Variants in FAM171A1 observed in about 807,000 individuals in gnomAD.
FAM171A1 encodes family with sequence similarity 171 member A1, also known as protein FAM171A1.
In FAM171A1, 23 loss-of-function variants were observed where a neutral mutation model predicts 74.9. That is an observed-to-expected ratio of 0.31 (90% CI 0.22 to 0.44). The LOEUF is 0.44. FAM171A1 is among the 20% of genes least tolerant of loss of function. FAM171A1 has a pLI of 1.00. For missense variants in FAM171A1, 1,162 were observed against 1,159.2 expected (o/e 1.00, Z -0.03); for synonymous variants, 527 against 505.7 (o/e 1.04, Z -0.57).
At chr10:15,227,764 C>G (rs2131724635) in intron 5 of FAM171A1, among the ~76,000 whole-genome samples, 1 of 152,332 alleles carries the variant, frequency 6.6e-6, no homozygotes, top group South Asian at 2.1e-4. Flanking sequence ...GTTGAACTAT[C>G]TTACTAATTT....
intron 3 of FAM171A1, among the ~76,000 whole-genome samples, chr10:15,261,483 T>C (rs1484446225): frequency 6.6e-6 from 1 of 152,198 alleles, no homozygotes; most frequent in Non-Finnish European, 1.5e-5. Flanking sequence ...AAAACATCAA[T>C]AACATTCATT....
rs1215090577 is a variant in FAM171A1 at position 15,371,035 on chromosome 10, C to T, written c.18G>A (p.Thr6=). MSRSA[T]LLLCLLGCHV... is the part of the protein sequence containing the mutation. ...GGCAGCCCAGCAGGCACAGCAGCAG[C>T]GTCGCGGACCTGCTCATCTCCGCCG... is the stretch of plus-strand genomic sequence containing the variant. The change falls in exon 1 of 8, where the codon ACG becomes ACA. Residue 6 remains threonine (T), a synonymous_variant. Coordinates refer to ENST00000378116, the MANE Select transcript of FAM171A1 (RefSeq NM_001010924.2). 2.6e-6 allele frequency: 3 copies of T among 1,153,556 alleles called. No homozygotes were observed. The highest frequency in any genetic ancestry group is 3.3e-6 in the Non-Finnish European group (3 of 916,664). 71.5% of individuals were successfully genotyped at this position (1,153,556 alleles called of 1,614,324 possible).
chr10:15,247,190 T>A (rs1834445561), intron 5 of FAM171A1, among the ~76,000 whole-genome samples: 1 of 152,240 alleles, frequency 6.6e-6, no homozygotes, highest in Non-Finnish European at 1.5e-5. Context: ...TACTATGGAC[T>A]TATTAAAATT....
intron 5 of FAM171A1, among the ~76,000 whole-genome samples, chr10:15,234,544 C>T (rs1834254856): frequency 1.3e-5 from 2 of 152,090 alleles, no homozygotes; most frequent in South Asian, 4.1e-4. Flanking sequence ...ATAGCAGTTT[C>T]GTATTGGCTC....
intron 3 of FAM171A1, among the ~76,000 whole-genome samples, chr10:15,267,816 G>C (rs568706071): frequency 6.6e-6 from 1 of 152,136 alleles, no homozygotes; most frequent in Admixed American, 6.5e-5. Context: ...GAGGAGGCTG[G>C]ACAGCCACGA....
At chr10:15,252,878 G>A (rs1834527810) in intron 4 of FAM171A1, among the ~76,000 whole-genome samples, 1 of 152,188 alleles carries the variant, frequency 6.6e-6, no homozygotes, top group Admixed American at 6.5e-5. Context: ...AGAGCTACTG[G>A]AAGTGGGGCA....
intron 1 of FAM171A1, among the ~76,000 whole-genome samples, chr10:15,298,805 C>CTT (rs1835192173): frequency 6.6e-6 from 1 of 152,176 alleles, no homozygotes; most frequent in Non-Finnish European, 1.5e-5. Flanking sequence ...TACCCTGCTC[C>CTT]ACTGAACAAG....
rs372923376 is a variant in FAM171A1 at position 15,340,799 on chromosome 10, T to C, written c.97+30157A>G. Among the ~76,000 whole-genome samples the C allele has an allele frequency of 4.6e-5, 7 of 152,024 alleles. No individual in the cohort carries two copies. In the East Asian group the frequency reaches 9.6e-4, roughly 21 times the overall value. Reference sequence around the variant, plus strand: ...CAGCAAAGGGCACCTCCCAATAACATGAGAGAGGTGACATGCAGAAGCTAT... The same window carrying C: ...CAGCAAAGGGCACCTCCCAATAACACGAGAGAGGTGACATGCAGAAGCTAT... On this transcript the variant is annotated intron_variant, in intron 1 of 7. Coordinates refer to ENST00000378116, the MANE Select transcript of FAM171A1 (RefSeq NM_001010924.2).
intron 1 of FAM171A1, among the ~76,000 whole-genome samples, chr10:15,337,951 A>G (rs987318853): frequency 6.6e-6 from 1 of 151,414 alleles, no homozygotes; most frequent in Non-Finnish European, 1.5e-5. Flanking sequence ...ACTCCATCTT[A>G]AAAAAAACAA....
chr10:15,308,367 G>A (rs1033054349), intron 1 of FAM171A1, among the ~76,000 whole-genome samples: 2 of 152,204 alleles, frequency 1.3e-5, no homozygotes, highest in Middle Eastern at 3.2e-3. Context: ...AGGAAATCTT[G>A]TAAATAGACA....
chr10:15,226,052 C>G (rs906757276), intron 5 of FAM171A1, among the ~76,000 whole-genome samples: 2 of 152,210 alleles, frequency 1.3e-5, no homozygotes, highest in African/African-American at 4.8e-5. Context: ...CTCTTAGTGT[C>G]CTCTGCACAA....
At position 15,214,051 on chromosome 10, in the gene FAM171A1, G is replaced by A. The variant is rs1438959718; in HGVS notation, c.1537C>T (p.Leu513Phe). 39 of 1,614,076 alleles carry A rather than the reference G, an allele frequency of 2.4e-5. No homozygotes were observed. Among genetic ancestry groups the A allele is most frequent in the Non-Finnish European group, 3.1e-5 (37 of 1,180,042 alleles). ...REGPASTGSK[L>F]TIQEHLYPAP... The stretch of plus-strand genomic sequence containing the variant: ...GGGTACAGATGTTCCTGAATGGTGA[G>A]TTTGCTTCCCGTGGAGGCTGGACCT... The change falls in exon 8 of 8, where the codon CTC (leucine) becomes TTC (phenylalanine). Residue 513 changes from leucine (L) to phenylalanine (F), a missense_variant. Transcript: ENST00000378116.
At chr10:15,351,566 A>ATGATGGATGGAT (rs1835876822) in intron 1 of FAM171A1, among the ~76,000 whole-genome samples, 2 of 24,060 alleles carry the variant, frequency 8.3e-5, no homozygotes, top group Admixed American at 4.4e-4. Flanking sequence ...GAAAGTAGGG[A>ATGATGGATGGAT]CGATGGATGG....
chr10:15,286,649 T>C (rs1835038547), intron 1 of FAM171A1, among the ~76,000 whole-genome samples: 1 of 152,182 alleles, frequency 6.6e-6, no homozygotes, highest in Non-Finnish European at 1.5e-5. Context: ...GAAGAACTTC[T>C]TTTGGTTTGA....
intron 1 of FAM171A1, among the ~76,000 whole-genome samples, chr10:15,306,193 T>C (rs1463875856): frequency 6.6e-6 from 1 of 152,230 alleles, no homozygotes; most frequent in Non-Finnish European, 1.5e-5. Context: ...ATTGAGAAGA[T>C]TTTAAGTTAC....
chr10:15,324,610 C>T (rs559907414), intron 1 of FAM171A1, among the ~76,000 whole-genome samples: 1 of 152,272 alleles, frequency 6.6e-6, no homozygotes, highest in Admixed American at 6.5e-5. Context: ...TGTTGGTTTT[C>T]AGTGGTGGCT....
chr10:15,254,318 C>T (rs908546827), intron 4 of FAM171A1, among the ~76,000 whole-genome samples: 2 of 152,104 alleles, frequency 1.3e-5, no homozygotes, highest in African/African-American at 4.8e-5. Flanking sequence ...GCCCCACCCA[C>T]CCACAGGCTA....
chr10:15,368,738 T>C (rs1836096489), intron 1 of FAM171A1, among the ~76,000 whole-genome samples: 2 of 152,212 alleles, frequency 1.3e-5, no homozygotes, highest in Admixed American at 1.3e-4. Context: ...GCAGCATTTG[T>C]CTTCATCGTG....
At chr10:15,251,193 A>C (rs1250537967) in intron 4 of FAM171A1, among the ~76,000 whole-genome samples, 4 of 152,210 alleles carry the variant, frequency 2.6e-5, no homozygotes, top group Admixed American at 1.3e-4. Context: ...AGCATTGCAG[A>C]AACGAGCATA....
Sources: allele counts gnomAD v4.1 joint callset (sites outside exome capture counted in the v4.1 genomes callset), GRCh38; gene constraint gnomAD v4.1.1; transcripts MANE v1.5; gene names NCBI Gene and HGNC (gene_info 2026-07-23, HGNC 2026-07-21).